Variants in NEB observed in about 807,000 individuals in gnomAD.
The protein encoded by NEB is nemaline myopathy type 2.
A neutral mutation model predicts 952.2 loss-of-function variants in NEB; 512 were observed. That is an observed-to-expected ratio of 0.54 (90% CI 0.50 to 0.58). NEB has a LOEUF of 0.58. Ranked by LOEUF, NEB falls within the 20% of genes least tolerant of loss-of-function variation. The pLI, the probability that NEB is intolerant of heterozygous loss-of-function variation, is 0.00. For missense variants in NEB, 8,428 were observed against 9,231.1 expected, an observed-to-expected ratio of 0.91 and a Z score of 3.56; for synonymous variants, 2,900 against 3,149.8, an observed-to-expected ratio of 0.92 and a Z score of 2.66.
chr2:151,656,556 TAAAATATA>T, intron 48 of NEB, 92 bp from the exon 49 acceptor site: 1 of 670,632 alleles, frequency 1.5e-6, no homozygotes, highest in Non-Finnish European at 2.1e-6. Flanking sequence ...TGTATAATTA[TAAAATATA>T]ATTAAAAATT....
intron 68 of NEB, 100 bp from the exon 69 acceptor site, chr2:151,627,934 A>G: frequency 7.0e-7 from 1 of 1,419,488 alleles, no homozygotes; most frequent in Non-Finnish European, 9.5e-7. Context: ...TAATTCTTGC[A>G]GAGTAATGAA....
rs761682739 is a variant in NEB at position 151,627,048 on chromosome 2, G to T, written c.10301C>A (p.Ser3434Tyr). The stretch of plus-strand genomic sequence containing the variant: ...GTTCTTGGCCAGCACCTGCTCTAGA[G>T]AGTCAGTCACACTGGTAAATTTCAG... Reference protein sequence around the residue: ...DKLKFTSVTDSLEQVLAKNNA... With the variant: ...DKLKFTSVTDYLEQVLAKNNA... The change falls in exon 70 of 182, where the codon TCT (serine) becomes TAT (tyrosine). Residue 3434 changes from serine to tyrosine, a missense_variant. Transcript: ENST00000397345. 1 of 1,613,968 alleles carries T rather than the reference G, an allele frequency of 6.2e-7. No individual in the cohort carries two copies. The highest frequency in any genetic ancestry group is 1.1e-5 in the South Asian group (1 of 91,080).
Position 151,698,241 on chromosome 2 carries a change from G to A in NEB, c.1153-593C>T, listed in dbSNP as rs571891007. 5.3e-5 allele frequency among the ~76,000 whole-genome samples: 8 copies of A among 152,074 alleles called. No homozygotes were observed. The East Asian group carries it at 1.5e-3, about 29-fold the overall frequency. On this transcript the variant is annotated intron_variant, in intron 13 of 181. Coordinates refer to ENST00000397345, the MANE Select transcript of NEB (RefSeq NM_001164508.2). ...CTTTTTTTTGTAACAGCTTTATTGA[G>A]ATTTAATGCATATACCACACAATTC...
chr2:151,565,945 A>G (rs1460909687), intron 114 of NEB, 125 bp from the exon 115 acceptor site: 2 of 639,002 alleles, frequency 3.1e-6, no homozygotes, highest in Non-Finnish European at 5.4e-6. Flanking sequence ...TCATTCATTC[A>G]ATTGTGATTT....
In NEB at chr2:151,629,626, A is replaced by G. The variant is rs1386728979; in HGVS notation, c.9744T>C (p.Asn3248=). 1 of 1,613,510 alleles carries G rather than the reference A, an allele frequency of 6.2e-7. No homozygotes were observed. The highest frequency in any genetic ancestry group is 2.2e-5 in the East Asian group (1 of 44,876). The stretch of plus-strand genomic sequence containing the variant: ...CGTAGCCTTTCTTTTTTGCTTCTTC[A>G]TTGGCAAGTTTGTATAGAGTCTATG... ...NYSETLYKLA[N]EEAKKKGYDL... Residue 3248 remains asparagine (N), a synonymous_variant, in exon 68 of 182, where the codon AAT becomes AAC. Transcript: ENST00000397345.
chr2:151,528,992 G>C (rs1307903025), intron 146 of NEB, among the ~76,000 whole-genome samples: 1 of 152,174 alleles, frequency 6.6e-6, no homozygotes, highest in African/African-American at 2.4e-5. Context: ...AGCATCCATG[G>C]CATGGGATGA....
chr2:151,495,692 C>T lies in NEB; in HGVS notation c.24486+584G>A, dbSNP rs139812390. 1.9e-3 allele frequency among the ~76,000 whole-genome samples: 286 copies of T among 152,068 alleles called. 3 individuals carry two copies. The highest frequency in any genetic ancestry group is 6.2e-3 in the African/African-American group (257 of 41,476). ...AACAACAACAACAACAAACAAAAAA[C>T]GAAAACTGGTAAAACAAAAAGCCAT... is the stretch of plus-strand genomic sequence containing the variant. On this transcript the variant is annotated intron_variant, in intron 173 of 181. Transcript: ENST00000397345.
rs761925947 is a variant in NEB, at chr2:151,691,849, G to T, written c.2211+15C>A. 23 of 1,544,272 alleles carry T rather than the reference G, an allele frequency of 1.5e-5. No individual in the cohort carries two copies. The East Asian group carries it at 4.8e-4, about 32-fold the overall frequency. Reference sequence around the variant, plus strand: ...TCCCAAGCTCAATTTCAATAATTCAGGGCAGCTAACTTACATCTTTACACT... The same window carrying T: ...TCCCAAGCTCAATTTCAATAATTCATGGCAGCTAACTTACATCTTTACACT... On this transcript the variant is annotated intron_variant, in intron 23 of 181. Transcript: ENST00000397345.
intron 24 of NEB, 80 bp from the exon 25 acceptor site, chr2:151,688,476 A>T: frequency 9.2e-7 from 1 of 1,086,252 alleles, no homozygotes; most frequent in Non-Finnish European, 1.4e-6. Flanking sequence ...CTAAGGCATT[A>T]GTGCTGTTTT....
chr2:151,553,576 C>T, intron 126 of NEB, 74 bp from the exon 127 acceptor site: 2 of 1,088,362 alleles, frequency 1.8e-6, no homozygotes, highest in African/African-American at 1.6e-5. Context: ...AACAGAGGTA[C>T]ATTCTAGACT....
Position 151,697,578 on chromosome 2 carries a change from T to A in NEB, c.1223A>T (p.Lys408Met). 6.2e-7 allele frequency: 1 copy of A among 1,613,470 alleles called. No homozygotes were observed. The highest frequency in any genetic ancestry group is 2.2e-5 in the East Asian group (1 of 44,878). The change falls in exon 14 of 182, where the codon AAG becomes ATG. Residue 408 changes from lysine (K) to methionine (M), a missense_variant. Coordinates refer to ENST00000397345, the MANE Select transcript of NEB (RefSeq NM_001164508.2). ...GAAGTTCTGCAGAACAGTATCGAGC[T>A]TGAATTTGGGGGTCTCGCAGTAATT... is the stretch of plus-strand genomic sequence containing the variant. ...SINYCETPKF[K>M]LDTVLQNFSS...
chr2:151,543,158 A>G (rs1043494000), intron 135 of NEB, among the ~76,000 whole-genome samples: 1 of 152,186 alleles, frequency 6.6e-6, no homozygotes, highest in African/African-American at 2.4e-5. Context: ...CATCAACTAG[A>G]GCTCAGACAA....
chr2:151,708,109 C>T (rs1451915426), intron 12 of NEB, among the ~76,000 whole-genome samples: 2 of 152,172 alleles, frequency 1.3e-5, no homozygotes, highest in African/African-American at 4.8e-5. Flanking sequence ...CTTCCCCTTC[C>T]ACCTGCTCTA....
intron 28 of NEB, among the ~76,000 whole-genome samples, chr2:151,683,310 A>G (rs1025264670): frequency 6.6e-6 from 1 of 152,102 alleles, no homozygotes; most frequent in African/African-American, 2.4e-5. Flanking sequence ...AAACAGTTGC[A>G]CTCGTTAATT....
intron 32 of NEB, among the ~76,000 whole-genome samples, chr2:151,678,433 T>TTACCATAA (rs2099389408): frequency 6.6e-6 from 1 of 152,230 alleles, no homozygotes; most frequent in South Asian, 2.1e-4. Flanking sequence ...AGATGGGGCA[T>TTACCATAA]TACCATAATT....
At position 151,724,787 on chromosome 2, in the gene NEB, C is replaced by T. The variant is rs540738561; in HGVS notation, c.507+70G>A. On this transcript the variant is annotated intron_variant, in intron 7 of 181. Transcript: ENST00000397345. ...GGCAGGATCAGGCCTGTCCAATTTT[C>T]TCCTATAAGACAATGCAGAGGTGAT... 1.3e-5 allele frequency: 17 copies of T among 1,328,414 alleles called. No homozygotes were observed. In the African/African-American group the frequency reaches 1.3e-4, roughly 10 times the overall value. 82.3% of individuals were successfully genotyped at this position (1,328,414 alleles called of 1,614,324 possible).
Position 151,506,366 on chromosome 2 carries a change from ATGT to A in NEB, c.23557-111_23557-109del, listed in dbSNP as rs1204427346. ...TTTTGTGAAAACAAGACACTAGACG[ATGT>A]TCCCAGGCAAGTGCCAGAGCATCGC... is the stretch of plus-strand genomic sequence containing the variant. On this transcript the variant is annotated intron_variant, in intron 163 of 181. Transcript: ENST00000397345. 4.9e-6 allele frequency: 4 copies of A among 819,748 alleles called. No individual in the cohort carries two copies. The Admixed American group carries it at 6.7e-5, about 14-fold the overall frequency. The allele number at this position is 819,748 out of a possible 1,614,324, so 50.8% of individuals were successfully genotyped here.
At position 151,497,677 on chromosome 2, in the gene NEB, A is replaced by G. The variant is rs1324238023; in HGVS notation, c.24249T>C (p.Pro8083=). Residue 8083 remains proline, a synonymous_variant, in exon 171 of 182, where the codon CCT becomes CCC. Transcript: ENST00000397345. ...KENMGKGTPL[P]VTPEMERVKH... The stretch of plus-strand genomic sequence containing the variant: ...TGACTCTTTCCATCTCGGGAGTGAC[A>G]GGTAAAGGGGTTCCCTTGCCCATGT... The G allele has an allele frequency of 6.3e-7, 1 of 1,585,752 alleles. No homozygotes were observed. Among genetic ancestry groups the G allele is most frequent in the African/African-American group, 1.3e-5 (1 of 74,666 alleles).
chr2:151,696,097 T>C (rs2099594374), intron 17 of NEB, among the ~76,000 whole-genome samples: 1 of 152,224 alleles, frequency 6.6e-6, no homozygotes, highest in Non-Finnish European at 1.5e-5. Flanking sequence ...CATTCATCTA[T>C]TGAGGTCACT....
Sources: gnomAD v4.1 joint callset for allele counts (sites outside exome capture counted in the v4.1 genomes callset) on GRCh38, gnomAD v4.1.1 for gene constraint, MANE v1.5 for transcripts, NCBI Gene and HGNC (gene_info 2026-07-23, HGNC 2026-07-21) for gene names.